THSD4: variants seen among roughly 807,000 people sequenced by gnomAD.
THSD4 encodes thrombospondin type 1 domain containing 4.
THSD4 carries 69 observed loss-of-function variants against 119.0 expected under a neutral mutation model. That is an observed-to-expected ratio of 0.58 (90% CI 0.48 to 0.71). THSD4 has a LOEUF of 0.71. Among genes scored for constraint, THSD4 ranks in the 30% least tolerant of loss-of-function variants. The pLI is 0.00. For synonymous variants in THSD4, 524 were observed against 540.4 expected (o/e 0.97, Z 0.42); for missense variants, 1,393 against 1,391.1 (o/e 1.00, Z -0.02).
intron 7 of THSD4, among the ~76,000 whole-genome samples, chr15:71,657,800 A>ATT (rs2051220563): frequency 6.6e-6 from 1 of 152,226 alleles, no homozygotes; most frequent in Admixed American, 6.5e-5. Flanking sequence ...ATCCAGAGCA[A>ATT]CCATGCTCTG....
intron 7 of THSD4, among the ~76,000 whole-genome samples, chr15:71,567,765 AAG>A (rs746787658): frequency 6.0e-5 from 8 of 132,780 alleles, no homozygotes; most frequent in African/African-American, 1.6e-4. Context: ...TGGAGAGAGA[AAG>A]AGAGAGAGAG....
intron 6 of THSD4, among the ~76,000 whole-genome samples, chr15:71,358,685 C>T (rs564583128): frequency 7.9e-5 from 12 of 152,320 alleles, no homozygotes; most frequent in African/African-American, 1.9e-4. Context: ...AAGTAATACA[C>T]GTAAAGTGCC....
chr15:71,305,773 G>T (rs1194803366), intron 6 of THSD4, among the ~76,000 whole-genome samples: 1 of 152,130 alleles, frequency 6.6e-6, no homozygotes, highest in Non-Finnish European at 1.5e-5. Flanking sequence ...ATAGTAGAAT[G>T]AAACTCACAT....
chr15:71,430,626 GC>G (rs1180561561), intron 7 of THSD4, among the ~76,000 whole-genome samples: 1 of 151,690 alleles, frequency 6.6e-6, no homozygotes, highest in African/African-American at 2.4e-5. Context: ...GCGTGGTGGT[GC>G]CCGCCTCTAA....
intron 7 of THSD4, among the ~76,000 whole-genome samples, chr15:71,412,814 A>G (rs1203341604): frequency 5.3e-5 from 8 of 152,190 alleles, no homozygotes. Context: ...ATATTCTCAG[A>G]TTTTTAAAAA....
At chr15:71,521,077 G>A (rs1169303930) in intron 7 of THSD4, among the ~76,000 whole-genome samples, 7 of 152,166 alleles carry the variant, frequency 4.6e-5, no homozygotes, top group Non-Finnish European at 8.8e-5. Flanking sequence ...GACTCAGGAG[G>A]GGAAGACAAG....
chr15:71,582,476 C>A (rs1452326619), intron 7 of THSD4, among the ~76,000 whole-genome samples: 1 of 151,938 alleles, frequency 6.6e-6, no homozygotes, highest in Non-Finnish European at 1.5e-5. Context: ...CCTTTTATTT[C>A]TTTTTCTTGC....
chr15:71,758,415 A>T (rs2053580227), intron 15 of THSD4, among the ~76,000 whole-genome samples: 1 of 152,224 alleles, frequency 6.6e-6, no homozygotes. Context: ...AAGAAATGAA[A>T]TTGTGTACAT....
At chr15:71,674,398 A>G (rs895672801) in intron 8 of THSD4, among the ~76,000 whole-genome samples, 1 of 152,192 alleles carries the variant, frequency 6.6e-6, no homozygotes, top group Non-Finnish European at 1.5e-5. Flanking sequence ...TCATAGAACT[A>G]TTACCTTTAA....
At chr15:71,602,552 T>TAA (rs2050030652) in intron 7 of THSD4, among the ~76,000 whole-genome samples, 1 of 6,308 alleles carries the variant, frequency 1.6e-4, no homozygotes, top group African/African-American at 3.3e-4. Context: ...AAACTCTGTC[T>TAA]CAAAAAAAAA....
At chr15:71,751,986 TC>T (rs1305111666) in intron 14 of THSD4, among the ~76,000 whole-genome samples, 46 of 152,364 alleles carry the variant, frequency 3.0e-4, no homozygotes, top group Admixed American at 1.1e-3. Flanking sequence ...CTTTTTGAAC[TC>T]TTAATACATT....
intron 12 of THSD4, among the ~76,000 whole-genome samples, chr15:71,746,076 T>C (rs541104780): frequency 2.6e-5 from 4 of 152,356 alleles, no homozygotes; most frequent in South Asian, 4.1e-4. Context: ...GAGCATGGGC[T>C]GATGTCTCAT....
At chr15:71,708,788 A>G (rs888249130) in intron 8 of THSD4, among the ~76,000 whole-genome samples, 3 of 152,292 alleles carry the variant, frequency 2.0e-5, no homozygotes, top group African/African-American at 7.2e-5. Context: ...TTTTTAAGTC[A>G]CCACCTAATT....
At chr15:71,683,749 C>T (rs547157479) in intron 8 of THSD4, among the ~76,000 whole-genome samples, 9 of 152,220 alleles carry the variant, frequency 5.9e-5, no homozygotes, top group East Asian at 3.9e-4. Context: ...CCGAGCCGAA[C>T]GGCCTACTTG....
At chr15:71,105,201 C>G (rs2040269555) in intron 1 of THSD4, among the ~76,000 whole-genome samples, 1 of 152,260 alleles carries the variant, frequency 6.6e-6, no homozygotes, top group South Asian at 2.1e-4. Flanking sequence ...CAGGCCAGGT[C>G]TCTAGTACTT....
At chr15:71,166,806 T>C (rs1390063556) in intron 3 of THSD4, among the ~76,000 whole-genome samples, 1 of 152,186 alleles carries the variant, frequency 6.6e-6, no homozygotes, top group Non-Finnish European at 1.5e-5. Context: ...CATCACTCTA[T>C]AAGTTACTCT....
intron 7 of THSD4, among the ~76,000 whole-genome samples, chr15:71,552,147 T>C (rs1039668576): frequency 1.3e-5 from 2 of 152,208 alleles, no homozygotes; most frequent in Non-Finnish European, 2.9e-5. Flanking sequence ...ATAGTTCAGA[T>C]CACAGAAGCA....
intron 7 of THSD4, among the ~76,000 whole-genome samples, chr15:71,573,893 G>A (rs2049402566): frequency 6.6e-6 from 1 of 152,198 alleles, no homozygotes; most frequent in African/African-American, 2.4e-5. Context: ...CTACTGGAGT[G>A]TCTAGGACAA....
At chr15:71,358,742 G>A (rs1223669805) in intron 6 of THSD4, among the ~76,000 whole-genome samples, 3 of 152,182 alleles carry the variant, frequency 2.0e-5, no homozygotes, top group East Asian at 1.9e-4. Context: ...CATCAGCACC[G>A]CTGTCATCAT....
Sources: gnomAD v4.1 joint callset for allele counts (sites outside exome capture counted in the v4.1 genomes callset) on GRCh38, gnomAD v4.1.1 for gene constraint, MANE v1.5 for transcripts, NCBI Gene and HGNC (gene_info 2026-07-23, HGNC 2026-07-21) for gene names.